Variants in CSRNP3 observed in about 807,000 individuals in gnomAD.
The protein encoded by CSRNP3 is cysteine and serine rich nuclear protein 3, also known as cysteine/serine-rich nuclear protein 3.
Under a neutral mutation model 48.0 loss-of-function variants are expected in CSRNP3, and 12 were observed. That is an observed-to-expected ratio of 0.25 (90% CI 0.16 to 0.41). CSRNP3 has a LOEUF of 0.41. Among genes scored for constraint, CSRNP3 ranks in the 10% least tolerant of loss-of-function variants. CSRNP3 has a pLI of 1.00. For missense variants in CSRNP3, 580 were observed against 724.4 expected, an observed-to-expected ratio of 0.80 and a Z score of 2.29; for synonymous variants, 263 against 269.7, an observed-to-expected ratio of 0.98 and a Z score of 0.24.
intron 3 of CSRNP3, among the ~76,000 whole-genome samples, chr2:165,577,198 A>C (rs1209852541): frequency 6.6e-6 from 1 of 151,960 alleles, no homozygotes; most frequent in East Asian, 1.9e-4. Context: ...AAAATGCTCA[A>C]AATAATTGAG....
intron 3 of CSRNP3, among the ~76,000 whole-genome samples, chr2:165,521,173 C>CAAAAAAAAAAAAAAA (rs1348766008): frequency 7.4e-6 from 1 of 135,636 alleles, no homozygotes; most frequent in Non-Finnish European, 1.6e-5. Context: ...ATGGGAAAGC[C>CAAAAAAAAAAAAAAA]AAAAAAAAAA....
At chr2:165,483,322 T>C (rs1684073007) in intron 1 of CSRNP3, among the ~76,000 whole-genome samples, 1 of 152,142 alleles carries the variant, frequency 6.6e-6, no homozygotes, top group Non-Finnish European at 1.5e-5. Context: ...AAAGTCAATG[T>C]AGTCAACATT....
At chr2:165,486,086 G>C (rs898077526) in intron 1 of CSRNP3, among the ~76,000 whole-genome samples, 1 of 152,138 alleles carries the variant, frequency 6.6e-6, no homozygotes, top group African/African-American at 2.4e-5. Flanking sequence ...CAGTGGGTGC[G>C]CGCACCGTGC....
intron 4 of CSRNP3, among the ~76,000 whole-genome samples, chr2:165,647,378 TA>T (rs925811277): frequency 7.9e-5 from 12 of 152,002 alleles, no homozygotes; most frequent in African/African-American, 2.9e-4. Context: ...ATGCTTACAA[TA>T]AAAAAAACCA....
At chr2:165,505,275 T>G (rs1684411401) in intron 2 of CSRNP3, among the ~76,000 whole-genome samples, 1 of 152,154 alleles carries the variant, frequency 6.6e-6, no homozygotes, top group South Asian at 2.1e-4. Context: ...TTCTGTCTAT[T>G]TTCCACTTAA....
chr2:165,601,972 C>G (rs1685923088), intron 4 of CSRNP3, among the ~76,000 whole-genome samples: 1 of 152,138 alleles, frequency 6.6e-6, no homozygotes. Flanking sequence ...TAGGACCTTT[C>G]AAACCTGTCA....
chr2:165,540,353 C>T (rs1684937339), intron 3 of CSRNP3, among the ~76,000 whole-genome samples: 1 of 152,042 alleles, frequency 6.6e-6, no homozygotes, highest in Non-Finnish European at 1.5e-5. Context: ...AGTTGATATT[C>T]TCTCTGAGAC....
intron 3 of CSRNP3, among the ~76,000 whole-genome samples, chr2:165,520,805 A>G (rs1389079435): frequency 2.1e-5 from 1 of 47,470 alleles, no homozygotes; most frequent in South Asian, 6.2e-4. Flanking sequence ...ATATATATAT[A>G]TATATATATA....
At position 165,572,904 on chromosome 2, in the gene CSRNP3, A is replaced by G. The variant is rs574505965; in HGVS notation, c.-23-22139A>G. ...TAATATAAAAGAGAATACTACTGAC[A>G]AATAGTTCACATAAAAAGCTTCAAA... On this transcript the variant is annotated intron_variant, in intron 3 of 6. Transcript: ENST00000651982. 1.4e-4 allele frequency among the ~76,000 whole-genome samples: 22 copies of G among 152,318 alleles called. No individual in the cohort carries two copies. The East Asian group carries it at 3.9e-3, about 27-fold the overall frequency.
At chr2:165,533,979 A>G (rs1684849982) in intron 3 of CSRNP3, among the ~76,000 whole-genome samples, 1 of 152,062 alleles carries the variant, frequency 6.6e-6, no homozygotes, top group South Asian at 2.1e-4. Context: ...AATACAACAT[A>G]TAATGAATCC....
At chr2:165,665,765 A>AAAAG (rs1362813217) in intron 5 of CSRNP3, among the ~76,000 whole-genome samples, 3 of 128,594 alleles carry the variant, frequency 2.3e-5, no homozygotes, top group Non-Finnish European at 4.8e-5. Flanking sequence ...AGATTCTGGG[A>AAAAG]AAAGAAAGAA....
chr2:165,506,836 C>T (rs1410009568), intron 2 of CSRNP3, among the ~76,000 whole-genome samples: 2 of 152,120 alleles, frequency 1.3e-5, no homozygotes, highest in African/African-American at 2.4e-5. Flanking sequence ...AACATTGTCA[C>T]CAGTGGATGA....
At chr2:165,629,562 C>G (rs1429552129) in intron 4 of CSRNP3, among the ~76,000 whole-genome samples, 1 of 152,164 alleles carries the variant, frequency 6.6e-6, no homozygotes. Flanking sequence ...GCTGAGGCAT[C>G]ACAGGTATGC....
intron 1 of CSRNP3, among the ~76,000 whole-genome samples, chr2:165,494,540 CT>C (rs1163142160): frequency 7.9e-5 from 12 of 151,978 alleles, no homozygotes; most frequent in African/African-American, 2.9e-4. Context: ...TTAATTTTTA[CT>C]TTTTCTTATA....
intron 4 of CSRNP3, among the ~76,000 whole-genome samples, chr2:165,595,731 C>A (rs1685799240): frequency 6.6e-6 from 1 of 152,128 alleles, no homozygotes. Context: ...AGTAATTCCT[C>A]TAGTCTCTCT....
rs752897101 is a variant in CSRNP3 at position 165,682,606 on chromosome 2, G to A, written c.*2853G>A. 15 of 152,146 alleles carry A rather than the reference G, an allele frequency of 9.9e-5. No individual in the cohort carries two copies. Among genetic ancestry groups the A allele is most frequent in the Non-Finnish European group, 1.9e-4 (13 of 68,004 alleles). 9.4% of individuals were successfully genotyped at this position (152,146 alleles called of 1,614,324 possible). A position where few individuals can be genotyped will look rare whatever the true frequency, so the allele number is the denominator to read the frequency against. On this transcript the variant is annotated 3_prime_UTR_variant, in exon 7 of 7. Coordinates refer to ENST00000651982, the MANE Select transcript of CSRNP3 (RefSeq NM_001172173.2). ...AAAGAGGATAATTGGTAGAGCTGTA[G>A]TTTGAAAATATCAGGTCAAAGTTGC...
At chr2:165,541,761 C>T (rs1388250256) in intron 3 of CSRNP3, among the ~76,000 whole-genome samples, 1 of 152,102 alleles carries the variant, frequency 6.6e-6, no homozygotes, top group Non-Finnish European at 1.5e-5. Context: ...GCAGTTGTTT[C>T]TATCTCTCCT....
chr2:165,643,196 C>T (rs918679746), intron 4 of CSRNP3, among the ~76,000 whole-genome samples: 1 of 152,122 alleles, frequency 6.6e-6, no homozygotes, highest in Non-Finnish European at 1.5e-5. Context: ...TAAACCAAAA[C>T]GCTGTTGGAA....
chr2:165,555,484 T>A (rs1685149845), intron 3 of CSRNP3, among the ~76,000 whole-genome samples: 1 of 152,214 alleles, frequency 6.6e-6, no homozygotes, highest in African/African-American at 2.4e-5. Flanking sequence ...TCCTGTGGCA[T>A]ATTTTCTGAC....
Sources: allele counts gnomAD v4.1 joint callset (sites outside exome capture counted in the v4.1 genomes callset), GRCh38; gene constraint gnomAD v4.1.1; transcripts MANE v1.5; gene names NCBI Gene and HGNC (gene_info 2026-07-23, HGNC 2026-07-21).